Variants in PDE10A observed in about 807,000 individuals in gnomAD.
The protein encoded by PDE10A is phosphodiesterase 10A.
Under a neutral mutation model 97.7 loss-of-function variants are expected in PDE10A, and 39 were observed. That is an observed-to-expected ratio of 0.40 (90% CI 0.31 to 0.52). The LOEUF is 0.52. PDE10A is among the 20% of genes least tolerant of loss of function. PDE10A has a pLI of 0.56. For missense variants in PDE10A, 731 were observed against 1,047.8 expected, an observed-to-expected ratio of 0.70 and a Z score of 4.17; for synonymous variants, 371 against 376.8, an observed-to-expected ratio of 0.98 and a Z score of 0.18.
At chr6:165,512,121 T>C (rs1480904805) in intron 2 of PDE10A, among the ~76,000 whole-genome samples, 2 of 152,044 alleles carry the variant, frequency 1.3e-5, no homozygotes, top group South Asian at 2.1e-4. Context: ...TTGTTTGTCA[T>C]TGTGGTTTGG....
At chr6:165,630,913 G>C (rs1389282085) in intron 1 of PDE10A, among the ~76,000 whole-genome samples, 1 of 152,162 alleles carries the variant, frequency 6.6e-6, no homozygotes, top group African/African-American at 2.4e-5. Flanking sequence ...GAATCGGCTG[G>C]ATGGAATGCT....
intron 1 of PDE10A, among the ~76,000 whole-genome samples, chr6:165,656,602 C>T (rs1789980396): frequency 6.6e-6 from 1 of 152,078 alleles, no homozygotes; most frequent in Non-Finnish European, 1.5e-5. Context: ...TTAGCTTAGC[C>T]TAAGTAATCC....
At chr6:165,338,409 C>T (rs1253524802) in intron 20 of PDE10A, among the ~76,000 whole-genome samples, 1 of 152,146 alleles carries the variant, frequency 6.6e-6, no homozygotes, top group East Asian at 1.9e-4. Flanking sequence ...GAAGATGAGA[C>T]AGTTAACGAA....
chr6:165,825,744 C>T lies in PDE10A; in HGVS notation c.-615+161785G>A, dbSNP rs562089584. 5.3e-5 allele frequency among the ~76,000 whole-genome samples: 8 copies of T among 152,302 alleles called. No individual in the cohort carries two copies. The South Asian group carries it at 1.5e-3, about 28-fold the overall frequency. ...GGAGTCCCCCTGGGGGTTATCTGTC[C>T]TTCAGCAGTGGGAGTGGGAGGGCCT... On this transcript the variant is annotated intron_variant, in intron 1 of 19. Transcript: ENST00000366882.
intron 1 of PDE10A, among the ~76,000 whole-genome samples, chr6:165,618,093 G>A (rs1787810319): frequency 6.6e-6 from 1 of 152,060 alleles, no homozygotes; most frequent in Non-Finnish European, 1.5e-5. Context: ...CTGCTTCTCT[G>A]ACAGCAAAAA....
chr6:165,761,712 T>A (rs1327211470), intron 1 of PDE10A, among the ~76,000 whole-genome samples: 1 of 152,116 alleles, frequency 6.6e-6, no homozygotes. Context: ...TTGCAAATTA[T>A]CTTTTAAATG....
intron 1 of PDE10A, among the ~76,000 whole-genome samples, chr6:165,649,651 C>T (rs888506411): frequency 6.6e-6 from 1 of 152,164 alleles, no homozygotes; most frequent in African/African-American, 2.4e-5. Context: ...ACTGCCCCTG[C>T]TGTCCAGTCA....
At chr6:165,681,774 G>C (rs922649863) in intron 1 of PDE10A, among the ~76,000 whole-genome samples, 1 of 152,132 alleles carries the variant, frequency 6.6e-6, no homozygotes, top group Non-Finnish European at 1.5e-5. Flanking sequence ...ACCCTGAATG[G>C]GTTGGTTTTA....
chr6:165,489,764 T>G (rs897067835), intron 2 of PDE10A, among the ~76,000 whole-genome samples: 2 of 151,984 alleles, frequency 1.3e-5, no homozygotes, highest in Non-Finnish European at 2.9e-5. Context: ...CAATCACAAC[T>G]TCCGGAAATG....
chr6:165,632,403 C>T (rs762185821), intron 1 of PDE10A, among the ~76,000 whole-genome samples: 2 of 152,072 alleles, frequency 1.3e-5, no homozygotes, highest in Non-Finnish European at 2.9e-5. Flanking sequence ...ACACAGAAAA[C>T]CCCTGAGGAC....
intron 5 of PDE10A, among the ~76,000 whole-genome samples, chr6:165,436,616 G>T (rs220818): frequency 6.6e-6 from 1 of 152,030 alleles, no homozygotes. Flanking sequence ...TATTAAGTAC[G>T]ATGCATGTGA....
At position 165,943,274 on chromosome 6, in the gene PDE10A, G is replaced by GGAAGGAAA. The variant is rs1562809956; in HGVS notation, c.-615+44254_-615+44255insTTTCCTTC. ...AGGAAGGAAGGAAGGAAGGAAGGAA[G>GGAAGGAAA]GAAAGAAAGAAAGAAAGAAGGAAAG... is the stretch of plus-strand genomic sequence containing the variant. On this transcript the variant is annotated intron_variant, in intron 1 of 19. Coordinates refer to the PDE10A transcript ENST00000366882. 5.3e-4 allele frequency among the ~76,000 whole-genome samples: 31 copies of GGAAGGAAA among 58,828 alleles called. 3 individuals carry two copies. Among genetic ancestry groups the GGAAGGAAA allele is most frequent in the African/African-American group, 2.1e-3 (21 of 9,830 alleles). 38.6% of individuals were successfully genotyped at this position (58,828 alleles called of 152,430 possible).
chr6:165,358,723 G>A (rs1178365534), intron 18 of PDE10A, among the ~76,000 whole-genome samples: 1 of 151,524 alleles, frequency 6.6e-6, no homozygotes, highest in Non-Finnish European at 1.5e-5. Context: ...CTTGGGATTT[G>A]TTTTCTATTT....
chr6:165,884,341 T>C (rs542841198), intron 1 of PDE10A, among the ~76,000 whole-genome samples: 1 of 152,320 alleles, frequency 6.6e-6, no homozygotes, highest in East Asian at 1.9e-4. Flanking sequence ...CTTTCATCGA[T>C]TTTTGATGCC....
intron 1 of PDE10A, among the ~76,000 whole-genome samples, chr6:165,696,995 C>T (rs556515834): frequency 1.3e-5 from 2 of 151,904 alleles, no homozygotes; most frequent in South Asian, 4.2e-4. Context: ...AGCTGAAGAA[C>T]AGAGAGAAGA....
intron 3 of PDE10A, among the ~76,000 whole-genome samples, chr6:165,468,235 T>C (rs1161301752): frequency 6.6e-6 from 1 of 151,854 alleles, no homozygotes; most frequent in Non-Finnish European, 1.5e-5. Flanking sequence ...CCTACCACCA[T>C]GCTAGGCTAA....
rs189583279 is a variant in PDE10A at position 165,927,992 on chromosome 6, A to G, written c.-615+59537T>C. Among the ~76,000 whole-genome samples, 736 of 151,014 alleles carry G rather than the reference A, an allele frequency of 4.9e-3. 2 individuals carry two copies. The highest frequency in any genetic ancestry group is 7.9e-3 in the Non-Finnish European group (535 of 67,766). On this transcript the variant is annotated intron_variant, in intron 1 of 19. Transcript: ENST00000366882. Reference sequence around the variant, plus strand: ...GATTACAGGCGTGAGCCACCACGCCAGGCTGAGAATGACATAAATTTTTAA... The same window carrying G: ...GATTACAGGCGTGAGCCACCACGCCGGGCTGAGAATGACATAAATTTTTAA...
intron 1 of PDE10A, among the ~76,000 whole-genome samples, chr6:165,831,166 C>T (rs1163461551): frequency 5.9e-5 from 9 of 151,682 alleles, no homozygotes; most frequent in Admixed American, 4.6e-4. Flanking sequence ...GGGTGGCTCA[C>T]GAGGTCAAGA....
chr6:165,780,381 A>T (rs1308812472), intron 1 of PDE10A: 4 of 152,254 alleles, frequency 2.6e-5, no homozygotes, highest in African/African-American at 9.6e-5. Flanking sequence ...AACAGATAAT[A>T]AGTCTTTAAT....
Sources: allele counts gnomAD v4.1 joint callset (sites outside exome capture counted in the v4.1 genomes callset), GRCh38; gene constraint gnomAD v4.1.1; transcripts MANE v1.5; gene names NCBI Gene and HGNC (gene_info 2026-07-23, HGNC 2026-07-21).